Variants in WWOX observed in about 807,000 individuals in gnomAD.
WWOX encodes WW domain containing oxidoreductase, also known as WW domain-containing oxidoreductase.
A neutral mutation model predicts 46.2 loss-of-function variants in WWOX; 69 were observed. The ratio of observed to expected loss-of-function variants is 1.49; its 90% CI spans 1.23 to 1.82. The LOEUF (loss-of-function observed/expected upper bound fraction) is 1.82, where lower values mean the gene tolerates loss of function less well. WWOX is among the 40% of genes most tolerant of loss of function. The probability of loss-of-function intolerance (pLI) is 0.00; values close to 1 mark genes in which losing one functional copy is unlikely to be tolerated. For missense variants in WWOX, 919 were observed against 542.6 expected, an observed-to-expected ratio of 1.69 and a Z score of -6.89; for synonymous variants, 359 against 202.6, an observed-to-expected ratio of 1.77 and a Z score of -6.56.
chr16:78,399,328 G>A (rs2082359540), intron 6 of WWOX, among the ~76,000 whole-genome samples: 1 of 151,988 alleles, frequency 6.6e-6, no homozygotes, highest in Non-Finnish European at 1.5e-5. Context: ...TAGATCTTGG[G>A]AAACAACTTC....
At chr16:78,952,177 C>G (rs1179137383) in intron 8 of WWOX, among the ~76,000 whole-genome samples, 1 of 152,000 alleles carries the variant, frequency 6.6e-6, no homozygotes, top group African/African-American at 2.4e-5. Context: ...TGCAGTTGCC[C>G]TCCTGCAGCA....
At chr16:78,892,308 C>T (rs899670233) in intron 8 of WWOX, 18 of 152,128 alleles carry the variant, frequency 1.2e-4, no homozygotes, top group African/African-American at 4.3e-4. Flanking sequence ...AAAAATGAAC[C>T]ACATGCTAAA....
intron 8 of WWOX, among the ~76,000 whole-genome samples, chr16:78,497,846 T>G: frequency 9.8e-6 from 1 of 102,034 alleles, no homozygotes; most frequent in Non-Finnish European, 2.3e-5. Flanking sequence ...TACACCGGAG[T>G]TACTGAGAAT....
chr16:78,384,065 T>TG (rs2082010480), intron 5 of WWOX, among the ~76,000 whole-genome samples: 1 of 152,222 alleles, frequency 6.6e-6, no homozygotes, highest in Admixed American at 6.5e-5. Context: ...GTTGAAATAC[T>TG]GCTTTGGGGT....
chr16:79,042,287 T>A (rs1041769438), intron 8 of WWOX, among the ~76,000 whole-genome samples: 3 of 152,176 alleles, frequency 2.0e-5, no homozygotes, highest in African/African-American at 7.2e-5. Context: ...TTGCATTATG[T>A]CATGGGTGGA....
chr16:78,319,796 A>G (rs1397775273), intron 5 of WWOX, among the ~76,000 whole-genome samples: 1 of 151,946 alleles, frequency 6.6e-6, no homozygotes, highest in Non-Finnish European at 1.5e-5. Context: ...CACACTTGCC[A>G]CCCTCCGCCC....
intron 8 of WWOX, among the ~76,000 whole-genome samples, chr16:78,580,350 C>A (rs576323923): frequency 3.6e-4 from 55 of 152,214 alleles, no homozygotes; most frequent in African/African-American, 1.3e-3. Flanking sequence ...TTGGAATATC[C>A]GGTGTGAGCC....
intron 8 of WWOX, among the ~76,000 whole-genome samples, chr16:79,010,438 C>T (rs530114768): frequency 6.6e-6 from 1 of 152,264 alleles, no homozygotes; most frequent in African/African-American, 2.4e-5. Context: ...GGAGGACCTG[C>T]CACTGGGCAG....
intron 8 of WWOX, among the ~76,000 whole-genome samples, chr16:78,502,207 C>T (rs944340194): frequency 2.6e-5 from 4 of 152,094 alleles, no homozygotes; most frequent in African/African-American, 9.7e-5. Context: ...ATGTGCCTAC[C>T]ATATAATTCA....
chr16:79,024,806 A>G (rs1216474653), intron 8 of WWOX, among the ~76,000 whole-genome samples: 4 of 151,968 alleles, frequency 2.6e-5, no homozygotes, highest in African/African-American at 9.7e-5. Flanking sequence ...TCCTGGCCTC[A>G]AGCAATCCTC....
At chr16:78,835,337 G>C (rs1228517768) in intron 8 of WWOX, among the ~76,000 whole-genome samples, 1 of 152,164 alleles carries the variant, frequency 6.6e-6, no homozygotes, top group Non-Finnish European at 1.5e-5. Flanking sequence ...AAATATTCTA[G>C]TAGTAAATAG....
chr16:78,925,660 C>A (rs1206681968), intron 8 of WWOX, among the ~76,000 whole-genome samples: 2 of 152,170 alleles, frequency 1.3e-5, no homozygotes, highest in African/African-American at 4.8e-5. Flanking sequence ...TCAATGAGAA[C>A]CAGGTTTTTG....
chr16:78,397,783 C>T (rs753966850), intron 6 of WWOX, among the ~76,000 whole-genome samples: 1 of 152,184 alleles, frequency 6.6e-6, no homozygotes, highest in Non-Finnish European at 1.5e-5. Context: ...CCTCAACCTC[C>T]CAAACTGCTG....
In WWOX at chr16:78,751,154, T is replaced by C. The variant is rs114773622; in HGVS notation, c.1056+318402T>C. Among the ~76,000 whole-genome samples, 1,344 of 152,192 alleles carry C rather than the reference T, an allele frequency of 8.8e-3. 20 individuals carry two copies. The highest frequency in any genetic ancestry group is 0.031 in the African/African-American group (1,287 of 41,516). On this transcript the variant is annotated intron_variant, in intron 8 of 8. Transcript: ENST00000566780. ...AACCATTCCTACTTCCAAAAAGAAT[T>C]TGACTCAAAAGGGAATAGTACACTA...
At chr16:78,255,059 C>T (rs1319720838) in intron 5 of WWOX, among the ~76,000 whole-genome samples, 1 of 152,206 alleles carries the variant, frequency 6.6e-6, no homozygotes, top group African/African-American at 2.4e-5. Flanking sequence ...CCACCCATGG[C>T]TTCCCCTTTC....
intron 8 of WWOX, among the ~76,000 whole-genome samples, chr16:78,781,576 T>G (rs1475799935): frequency 6.6e-6 from 1 of 152,188 alleles, no homozygotes; most frequent in Non-Finnish European, 1.5e-5. Context: ...AAAACATGTT[T>G]ATCTATCCCC....
intron 5 of WWOX, among the ~76,000 whole-genome samples, chr16:78,354,373 A>C (rs62033393): frequency 5.1e-5 from 7 of 137,018 alleles, no homozygotes; most frequent in Non-Finnish European, 1.1e-4. Flanking sequence ...CTTTGCACAT[A>C]TTGTCAAATG....
intron 6 of WWOX, among the ~76,000 whole-genome samples, chr16:78,387,831 C>A (rs976163609): frequency 6.6e-6 from 1 of 151,892 alleles, no homozygotes; most frequent in Non-Finnish European, 1.5e-5. Flanking sequence ...TTAATAATAG[C>A]ACAGGTTGTG....
intron 8 of WWOX, among the ~76,000 whole-genome samples, chr16:79,031,862 A>AT: frequency 2.1e-5 from 3 of 142,666 alleles, no homozygotes; most frequent in South Asian, 2.1e-4. Flanking sequence ...TTATATATAT[A>AT]GATAGATATC....
Sources: allele counts gnomAD v4.1 joint callset (sites outside exome capture counted in the v4.1 genomes callset), GRCh38; gene constraint gnomAD v4.1.1; transcripts MANE v1.5; gene names NCBI Gene and HGNC (gene_info 2026-07-23, HGNC 2026-07-21).